Variants in FGFR2 observed in about 807,000 individuals in gnomAD.
The protein encoded by FGFR2 is BEK fibroblast growth factor receptor.
In FGFR2, 19 loss-of-function variants were observed where a neutral mutation model predicts 95.9. The observed-to-expected ratio is 0.20, with a 90% CI of 0.14 to 0.29. FGFR2 has a LOEUF of 0.29. Among genes scored for constraint, FGFR2 ranks in the 10% least tolerant of loss-of-function variants. The pLI is 1.00. For missense variants in FGFR2, 707 were observed against 1,056.9 expected, an observed-to-expected ratio of 0.67 and a Z score of 4.59; for synonymous variants, 392 against 393.3, an observed-to-expected ratio of 1.00 and a Z score of 0.04.
intron 5 of FGFR2, among the ~76,000 whole-genome samples, chr10:121,550,306 A>G (rs3135749): frequency 0.087 from 13,195 of 152,184 alleles, 1,508 homozygotes; most frequent in African/African-American, 0.26. Flanking sequence ...GACTGGACTA[A>G]GAGCCCCTTG....
At chr10:121,583,370 CT>C (rs1383775191) in intron 2 of FGFR2, 1 of 152,274 alleles carries the variant, frequency 6.6e-6, no homozygotes, top group East Asian at 1.9e-4. Flanking sequence ...GCAGAGGCAT[CT>C]GGGACAAGGA....
intron 10 of FGFR2, among the ~76,000 whole-genome samples, chr10:121,503,292 T>C (rs1847837640): frequency 6.6e-6 from 1 of 152,228 alleles, no homozygotes; most frequent in Admixed American, 6.5e-5. Context: ...ATCACAGAAA[T>C]TAGATGTCAG....
At chr10:121,591,030 CTCTT>C (rs1862577157) in intron 2 of FGFR2, among the ~76,000 whole-genome samples, 1 of 152,094 alleles carries the variant, frequency 6.6e-6, no homozygotes, top group South Asian at 2.1e-4. Context: ...CTCTCTCTCT[CTCTT>C]CCAATTCACC....
intron 8 of FGFR2, among the ~76,000 whole-genome samples, chr10:121,515,715 T>A (rs1849629567): frequency 6.6e-6 from 1 of 151,868 alleles, no homozygotes. Context: ...TGCCCACTTT[T>A]GTTTCTAAGG....
chr10:121,529,240 C>T (rs1304305296), intron 6 of FGFR2, among the ~76,000 whole-genome samples: 8 of 152,196 alleles, frequency 5.3e-5, no homozygotes. Flanking sequence ...TCCCGAGTAG[C>T]TGGGATTACA....
rs3135768 is a variant in FGFR2, at chr10:121,505,015, G to A, written c.1288-1074C>T. On this transcript the variant is annotated intron_variant, in intron 9 of 17. Coordinates refer to ENST00000358487, the MANE Select transcript of FGFR2 (RefSeq NM_000141.5). ...TCCAAGCAGGCAACTAGCCCACCCT[G>A]GGCTCTGTCTCCTGCGTGACTGCCC... 1.8e-4 allele frequency among the ~76,000 whole-genome samples: 27 copies of A among 152,334 alleles called. No individual in the cohort carries two copies. The South Asian group carries it at 5.2e-3, about 29-fold the overall frequency.
At chr10:121,579,398 A>G (rs1298542833) in intron 2 of FGFR2, among the ~76,000 whole-genome samples, 1 of 152,168 alleles carries the variant, frequency 6.6e-6, no homozygotes, top group Non-Finnish European at 1.5e-5. Flanking sequence ...GAGAGCCTCT[A>G]TTCGCATTCC....
chr10:121,515,864 A>T (rs995599027), intron 8 of FGFR2, among the ~76,000 whole-genome samples: 8 of 149,430 alleles, frequency 5.4e-5, no homozygotes, highest in Admixed American at 3.4e-4. Context: ...GTTTTGGTGA[A>T]TTCCTTAATA....
At chr10:121,529,491 T>A (rs1851819053) in intron 6 of FGFR2, among the ~76,000 whole-genome samples, 1 of 152,240 alleles carries the variant, frequency 6.6e-6, no homozygotes, top group South Asian at 2.1e-4. Flanking sequence ...AATGAAAAGT[T>A]CCTTTTTCTA....
rs2134222927 is a variant in FGFR2, at chr10:121,515,172, C to T, written c.1232G>A (p.Ser411Asn). The change falls in exon 9 of 18, where the codon AGC becomes AAC. Residue 411 changes from serine (S) to asparagine (N), a missense_variant. Around this residue, in one of 7 missense-constraint regions of FGFR2, gnomAD observed 194 missense variants for 267.3 expected, o/e 0.73. Coordinates refer to ENST00000358487, the MANE Select transcript of FGFR2 (RefSeq NM_000141.5). ...GGTCAGCTTGTGCACAGCCGGCTGG[C>T]TGCTGAAGTCTGGCTTCTTGGTCGT... Reference protein sequence around the residue: ...KNTTKKPDFSSQPAVHKLTKR... With the variant: ...KNTTKKPDFSNQPAVHKLTKR... The T allele has an allele frequency of 6.2e-7, 1 of 1,614,206 alleles. No individual in the cohort carries two copies. The highest frequency in any genetic ancestry group is 1.3e-5 in the African/African-American group (1 of 75,034).
intron 13 of FGFR2, among the ~76,000 whole-genome samples, chr10:121,489,278 C>A (rs1207402881): frequency 2.0e-5 from 3 of 151,920 alleles, no homozygotes; most frequent in Admixed American, 2.0e-4. Context: ...TTCACCATGT[C>A]GGTCAGGCTG....
intron 2 of FGFR2, among the ~76,000 whole-genome samples, chr10:121,581,255 C>T (rs988603519): frequency 4.6e-5 from 7 of 152,192 alleles, no homozygotes; most frequent in Non-Finnish European, 5.9e-5. Flanking sequence ...ATTCACTCAA[C>T]GGCCTCTGCT....
At chr10:121,579,109 G>A (rs1253031386) in intron 2 of FGFR2, among the ~76,000 whole-genome samples, 1 of 152,194 alleles carries the variant, frequency 6.6e-6, no homozygotes, top group Non-Finnish European at 1.5e-5. Flanking sequence ...GCCTCACACC[G>A]CTGAGCCTCA....
At chr10:121,560,144 C>T (rs1467172511) in intron 4 of FGFR2, among the ~76,000 whole-genome samples, 1 of 152,170 alleles carries the variant, frequency 6.6e-6, no homozygotes, top group Non-Finnish European at 1.5e-5. Context: ...AACTGAAACG[C>T]AGCCCTTCTT....
chr10:121,555,988 A>G lies in FGFR2; in HGVS notation c.455-4529T>C, dbSNP rs898755739. On this transcript the variant is annotated intron_variant, in intron 4 of 17. Transcript: ENST00000358487. ...TTTGTGATAGATGTGTGCTTCCAAC[A>G]TTAGTGTCTCTGTACTGAAAAATAC... 3.9e-5 allele frequency among the ~76,000 whole-genome samples: 6 copies of G among 152,206 alleles called. No homozygotes were observed. In the East Asian group the frequency reaches 7.7e-4, roughly 20 times the overall value.
chr10:121,553,173 A>G (rs1454990535), intron 4 of FGFR2, among the ~76,000 whole-genome samples: 1 of 152,180 alleles, frequency 6.6e-6, no homozygotes, highest in Non-Finnish European at 1.5e-5. Context: ...CTAAGTGTCA[A>G]AGTGATGGGA....
At position 121,593,982 on chromosome 10, in the gene FGFR2, T is replaced by C. The variant is rs1863075523; in HGVS notation, c.-150-15A>G. On this transcript the variant is annotated splice_polypyrimidine_tract_variant and intron_variant, in intron 1 of 17. Coordinates refer to ENST00000358487, the MANE Select transcript of FGFR2 (RefSeq NM_000141.5). Reference sequence around the variant, plus strand: ...TGCTGCAGTCACTAAAGGAAAGAGATTGGCGAGTCAGGGAATCTTCCCCAA... The same window carrying C: ...TGCTGCAGTCACTAAAGGAAAGAGACTGGCGAGTCAGGGAATCTTCCCCAA... The C allele has an allele frequency of 5.6e-6, 4 of 715,362 alleles. No homozygotes were observed. The highest frequency in any genetic ancestry group is 3.0e-5 in the South Asian group (2 of 65,574). The allele number at this position is 715,362 out of a possible 1,614,324, so 44.3% of individuals were successfully genotyped here. A position where few individuals can be genotyped will look rare whatever the true frequency, so the allele number is the denominator to read the frequency against.
Position 121,527,697 on chromosome 10 carries a change from T to C in FGFR2, c.749-7528A>G, listed in dbSNP as rs369747687. 2.0e-5 allele frequency: 3 copies of C among 152,204 alleles called. No individual in the cohort carries two copies. In the South Asian group the frequency reaches 6.2e-4, roughly 31 times the overall value. The allele number at this position is 152,204 out of a possible 1,614,324, so 9.4% of individuals were successfully genotyped here. A position where few individuals can be genotyped will look rare whatever the true frequency, so the allele number is the denominator to read the frequency against. On this transcript the variant is annotated intron_variant, in intron 6 of 17. Transcript: ENST00000358487. ...CTACCTTCTCAATCAGCGAGGTATA[T>C]TGACCTTGTCCAGTTTACTCAGTGA... is the stretch of plus-strand genomic sequence containing the variant.
chr10:121,511,856 T>A (rs915080127), intron 9 of FGFR2, among the ~76,000 whole-genome samples: 5 of 152,300 alleles, frequency 3.3e-5, no homozygotes, highest in Admixed American at 2.6e-4. Flanking sequence ...GAAAAAAATA[T>A]TTTTGCTCAA....
Sources: gnomAD v4.1 joint callset for allele counts (sites outside exome capture counted in the v4.1 genomes callset) on GRCh38, gnomAD v4.1.1 for gene constraint, gnomAD v4.1.1 regional missense constraint, MANE v1.5 for transcripts, NCBI Gene and HGNC (gene_info 2026-07-23, HGNC 2026-07-21) for gene names.